Variants in NRG1 observed in about 807,000 individuals in gnomAD.
NRG1 encodes the protein neuregulin 1, also known as pro-neuregulin-1, membrane-bound isoform.
A neutral mutation model predicts 63.8 loss-of-function variants in NRG1; 18 were observed. That is an observed-to-expected ratio of 0.28 (90% CI 0.19 to 0.42). The LOEUF is 0.42. Ranked by LOEUF, NRG1 falls within the 10% of genes least tolerant of loss-of-function variation. The probability of loss-of-function intolerance (pLI) is 1.00; values close to 1 mark genes in which losing one functional copy is unlikely to be tolerated. For synonymous variants in NRG1, 302 were observed against 301.3 expected (o/e 1.00, Z -0.02); for missense variants, 762 against 814.7 (o/e 0.94, Z 0.79).
intron 1 of NRG1, among the ~76,000 whole-genome samples, chr8:32,184,040 C>G (rs1219874876): frequency 6.6e-6 from 1 of 151,838 alleles, no homozygotes; most frequent in African/African-American, 2.4e-5. Flanking sequence ...TAGCAATTCC[C>G]CATTATGTAT....
At chr8:31,951,330 C>T (rs1044864193) in intron 1 of NRG1, among the ~76,000 whole-genome samples, 2 of 152,130 alleles carry the variant, frequency 1.3e-5, no homozygotes, top group Admixed American at 6.6e-5. Context: ...TGGGGTGGTT[C>T]AGCTGCATGA....
At chr8:32,127,248 C>G (rs563836730) in intron 1 of NRG1, among the ~76,000 whole-genome samples, 2 of 151,920 alleles carry the variant, frequency 1.3e-5, no homozygotes, top group East Asian at 2.0e-4. Context: ...TGGATTTTAC[C>G]TCTTAAACTG....
At chr8:31,667,934 G>A (rs1419635281) in intron 1 of NRG1, among the ~76,000 whole-genome samples, 3 of 152,108 alleles carry the variant, frequency 2.0e-5, no homozygotes, top group African/African-American at 7.2e-5. Flanking sequence ...CCATATCTGT[G>A]TCTATTTCTG....
intron 1 of NRG1, among the ~76,000 whole-genome samples, chr8:32,085,494 A>T (rs1035632380): frequency 1.3e-5 from 2 of 152,194 alleles, no homozygotes; most frequent in Admixed American, 6.5e-5. Flanking sequence ...CATGAATGCT[A>T]TCTTGTCAAT....
exon 12 of NRG1, chr8:32,765,864 T>G (rs186229789): frequency 1.3e-5 from 2 of 152,308 alleles, no homozygotes; most frequent in African/African-American, 4.8e-5. Context: ...TTTGTGATGG[T>G]AAATCCAAAG....
intron 1 of NRG1, among the ~76,000 whole-genome samples, chr8:32,211,987 A>AT (rs372159111): frequency 5.3e-5 from 8 of 152,174 alleles, no homozygotes; most frequent in African/African-American, 1.4e-4. Context: ...TATTTAAGTT[A>AT]TTTTTTTCCC....
At chr8:32,556,242 G>A (rs535840415) in intron 1 of NRG1, among the ~76,000 whole-genome samples, 1 of 152,216 alleles carries the variant, frequency 6.6e-6, no homozygotes, top group South Asian at 2.1e-4. Flanking sequence ...AATTATGTAC[G>A]TTTTTGATAA....
At chr8:32,186,008 G>T (rs1016078614) in intron 1 of NRG1, among the ~76,000 whole-genome samples, 1 of 152,148 alleles carries the variant, frequency 6.6e-6, no homozygotes, top group African/African-American at 2.4e-5. Context: ...TCTTATAGAA[G>T]TTACTCCATA....
intron 1 of NRG1, among the ~76,000 whole-genome samples, chr8:32,181,031 A>C (rs1445114603): frequency 2.0e-5 from 3 of 152,012 alleles, no homozygotes; most frequent in Non-Finnish European, 4.4e-5. Context: ...AGCTTCTTTC[A>C]CTTAATGTAA....
At chr8:32,547,041 G>A (rs2129522481), upstream of NRG1, among the ~76,000 whole-genome samples, 1 of 152,278 alleles carries the variant, frequency 6.6e-6, no homozygotes, top group Non-Finnish European at 1.5e-5. Context: ...TTTGAATATG[G>A]ATTGTTCCAA....
intron 1 of NRG1, among the ~76,000 whole-genome samples, chr8:32,341,216 AG>A (rs1383122689): frequency 6.6e-6 from 1 of 152,190 alleles, no homozygotes; most frequent in African/African-American, 2.4e-5. Flanking sequence ...AATTCCAGAT[AG>A]GTCTCTTATA....
intron 1 of NRG1, among the ~76,000 whole-genome samples, chr8:32,120,362 A>G (rs1459539395): frequency 6.6e-6 from 1 of 152,074 alleles, no homozygotes; most frequent in African/African-American, 2.4e-5. Flanking sequence ...ACCACTTACT[A>G]GTGGTATCAT....
At chr8:31,797,113 T>A (rs1222299025) in intron 1 of NRG1, among the ~76,000 whole-genome samples, 1 of 152,218 alleles carries the variant, frequency 6.6e-6, no homozygotes, top group Non-Finnish European at 1.5e-5. Context: ...CTTATTGACA[T>A]GTGGGCTTTG....
At chr8:31,868,632 C>T (rs1047617276) in intron 1 of NRG1, among the ~76,000 whole-genome samples, 3 of 152,170 alleles carry the variant, frequency 2.0e-5, no homozygotes, top group Non-Finnish European at 2.9e-5. Flanking sequence ...CAAATGTATT[C>T]GCTCTTCTTT....
intron 5 of NRG1, among the ~76,000 whole-genome samples, chr8:32,700,308 A>G (rs1410583658): frequency 6.6e-6 from 1 of 152,184 alleles, no homozygotes; most frequent in Non-Finnish European, 1.5e-5. Context: ...CTGGTGAAAT[A>G]ATTTTGGCAA....
At chr8:32,663,188 T>C (rs1803303970) in intron 5 of NRG1, among the ~76,000 whole-genome samples, 1 of 152,196 alleles carries the variant, frequency 6.6e-6, no homozygotes, top group South Asian at 2.1e-4. Context: ...GTTCAGTTTA[T>C]CTAAAGCATA....
intron 1 of NRG1, among the ~76,000 whole-genome samples, chr8:32,265,166 T>C (rs1318473505): frequency 6.6e-6 from 1 of 151,996 alleles, no homozygotes; most frequent in African/African-American, 2.4e-5. Flanking sequence ...GTGAGACCTC[T>C]CTACAGAAAA....
chr8:31,835,794 T>C lies in NRG1; in HGVS notation c.37+196363T>C, dbSNP rs117305039. On this transcript the variant is annotated intron_variant, in intron 1 of 10. Coordinates refer to the NRG1 transcript ENST00000519301. Reference sequence around the variant, plus strand: ...GTATGAAATAATGTTATGTATTAAATTATTGTCTCAGTTTATAGAGTCTGC... The same window carrying C: ...GTATGAAATAATGTTATGTATTAAACTATTGTCTCAGTTTATAGAGTCTGC... Among the ~76,000 whole-genome samples, 802 of 152,302 alleles carry C rather than the reference T, an allele frequency of 5.3e-3. 2 individuals are homozygous for C. The highest frequency in any genetic ancestry group is 0.012 in the Admixed American group (190 of 15,296).
At chr8:31,945,072 A>C (rs78131604) in intron 1 of NRG1, among the ~76,000 whole-genome samples, 2,348 of 152,264 alleles carry the variant, frequency 0.015, 57 homozygotes, top group African/African-American at 0.054. Flanking sequence ...GATGGATTAC[A>C]TAACATTCCC....
Sources: gnomAD v4.1 joint callset for allele counts (sites outside exome capture counted in the v4.1 genomes callset) on GRCh38, gnomAD v4.1.1 for gene constraint, MANE v1.5 for transcripts, NCBI Gene and HGNC (gene_info 2026-07-23, HGNC 2026-07-21) for gene names.